The following CERKL variants were observed in gnomAD, a reference collection of about 807,000 sequenced individuals.
CERKL encodes ceramide kinase-like protein.
A neutral mutation model predicts 63.4 loss-of-function variants in CERKL; 61 were observed. The observed-to-expected ratio is 0.96, with a 90% CI of 0.78 to 1.19. CERKL has a LOEUF of 1.19. Ranked by LOEUF, CERKL falls within the 50% of genes most tolerant of loss-of-function variation. The pLI is 0.00. For missense variants in CERKL, 675 were observed against 655.5 expected, an observed-to-expected ratio of 1.03 and a Z score of -0.33; for synonymous variants, 250 against 230.5, an observed-to-expected ratio of 1.08 and a Z score of -0.77.
At chr2:181,619,326 CT>C (rs34572026) in intron 1 of CERKL, among the ~76,000 whole-genome samples, 5,346 of 146,226 alleles carry the variant, frequency 0.037, 300 homozygotes, top group African/African-American at 0.12. Flanking sequence ...AAAACCTAGT[CT>C]TTTTTTTTTT....
chr2:181,611,171 C>G (rs1685953635), intron 1 of CERKL, among the ~76,000 whole-genome samples: 1 of 151,856 alleles, frequency 6.6e-6, no homozygotes, highest in African/African-American at 2.4e-5. Flanking sequence ...TGCAGTGAGC[C>G]AAGATCACAC....
chr2:181,612,490 A>G (rs1686008443), intron 1 of CERKL, among the ~76,000 whole-genome samples: 1 of 152,160 alleles, frequency 6.6e-6, no homozygotes, highest in Admixed American at 6.5e-5. Context: ...CTTCATATAA[A>G]TGTAACCATA....
chr2:181,629,259 G>C (rs532684418), intron 1 of CERKL, among the ~76,000 whole-genome samples: 3 of 152,224 alleles, frequency 2.0e-5, no homozygotes, highest in Admixed American at 2.0e-4. Flanking sequence ...ATCAAGAACA[G>C]CAGAAAAATA....
rs549773513 is a variant in CERKL, at chr2:181,538,064, G to A, written c.*120C>T. On this transcript the variant is annotated 3_prime_UTR_variant, in exon 13 of 13. Transcript: ENST00000410087. ...TCCTGAAACCATTCCCCCATCCACG[G>A]AAAAATTGTCTTCCATGAAACTGGT... 5 of 722,140 alleles carry A rather than the reference G, an allele frequency of 6.9e-6. No homozygotes were observed. Among genetic ancestry groups the A allele is most frequent in the Non-Finnish European group, 1.3e-5 (5 of 391,706 alleles). The allele number at this position is 722,140 out of a possible 1,614,324, so 44.7% of individuals were successfully genotyped here. A position where few individuals can be genotyped will look rare whatever the true frequency, so the allele number is the denominator to read the frequency against.
chr2:181,547,545 G>T, intron 10 of CERKL, 73 bp downstream of exon 10: 3 of 1,187,058 alleles, frequency 2.5e-6, no homozygotes, highest in Non-Finnish European at 2.5e-6. Flanking sequence ...CTAACCAACA[G>T]TTAATTGGAT....
intron 2 of CERKL, among the ~76,000 whole-genome samples, chr2:181,588,440 A>G (rs968557903): frequency 2.0e-5 from 3 of 152,134 alleles, no homozygotes; most frequent in Non-Finnish European, 4.4e-5. Context: ...CCTTCTCTTC[A>G]AAGGCTGAAT....
intron 5 of CERKL, among the ~76,000 whole-genome samples, chr2:181,556,048 G>A (rs566352068): frequency 6.6e-5 from 10 of 151,890 alleles, no homozygotes; most frequent in South Asian, 2.1e-4. Flanking sequence ...CACTGCACCC[G>A]GCCTTATTAA....
At chr2:181,640,869 A>G (rs1174973654) in intron 1 of CERKL, among the ~76,000 whole-genome samples, 2 of 152,214 alleles carry the variant, frequency 1.3e-5, no homozygotes, top group East Asian at 1.9e-4. Flanking sequence ...CTTGGCTTCA[A>G]TGAACCCACT....
chr2:181,581,136 TTCA>T (rs1341878738), intron 2 of CERKL, among the ~76,000 whole-genome samples: 1 of 152,206 alleles, frequency 6.6e-6, no homozygotes, highest in Non-Finnish European at 1.5e-5. Context: ...GCGTAGCATC[TTCA>T]TTTTTTTCAT....
chr2:181,655,549 G>A (rs1480044777), intron 1 of CERKL, among the ~76,000 whole-genome samples: 2 of 152,202 alleles, frequency 1.3e-5, no homozygotes, highest in East Asian at 1.9e-4. Context: ...AACACTTTAA[G>A]GTCAAAGACT....
chr2:181,614,400 G>A (rs560249225), intron 1 of CERKL, among the ~76,000 whole-genome samples: 7 of 152,160 alleles, frequency 4.6e-5, no homozygotes, highest in Non-Finnish European at 1.0e-4. Flanking sequence ...AAACCATACT[G>A]AGAGAAAAAA....
In CERKL at chr2:181,558,561, C is replaced by T; in HGVS notation, c.820+5G>A. The T allele has an allele frequency of 6.2e-7, 1 of 1,613,178 alleles. No individual in the cohort carries two copies. The highest frequency in any genetic ancestry group is 8.5e-7 in the Non-Finnish European group (1 of 1,179,650). ...AGTTTAATGAATCTGTAGCCACTCC[C>T]TTGCCTGCTGGTATTAAGCCAAGTG... On this transcript the variant is annotated splice_donor_5th_base_variant and intron_variant, in intron 5 of 12. Transcript: ENST00000410087. The surrounding 1 kb of genome is among the most constrained non-coding windows in gnomAD (Gnocchi z 4.2).
intron 6 of CERKL, 32 bp from the exon 7 acceptor site, chr2:181,548,889 G>C (rs761288116): frequency 1.3e-6 from 2 of 1,583,826 alleles, no homozygotes; most frequent in South Asian, 2.2e-5. Context: ...TAATCAGTGA[G>C]TACAGTAGGA....
At chr2:181,619,908 G>A (rs1686373989) in intron 1 of CERKL, among the ~76,000 whole-genome samples, 1 of 152,178 alleles carries the variant, frequency 6.6e-6, no homozygotes, top group Non-Finnish European at 1.5e-5. Context: ...GTTTTAAGAT[G>A]GTAGTAGTGG....
At chr2:181,595,284 C>CA (rs1231387202) in intron 2 of CERKL, among the ~76,000 whole-genome samples, 1 of 151,864 alleles carries the variant, frequency 6.6e-6, no homozygotes, top group Non-Finnish European at 1.5e-5. Context: ...CAGGCCAAGA[C>CA]ATTTGAGAAA....
intron 1 of CERKL, chr2:181,649,641 G>A (rs1049676320): frequency 9.2e-5 from 14 of 152,204 alleles, no homozygotes; most frequent in African/African-American, 3.1e-4. Flanking sequence ...GAACATTCTT[G>A]AGGAGAGATC....
chr2:181,582,745 T>C (rs968576654), intron 2 of CERKL, among the ~76,000 whole-genome samples: 1 of 152,016 alleles, frequency 6.6e-6, no homozygotes, highest in African/African-American at 2.4e-5. Flanking sequence ...GGGTTTCACA[T>C]GTTGGCCAGG....
intron 2 of CERKL, among the ~76,000 whole-genome samples, chr2:181,593,789 A>T (rs1470202125): frequency 6.6e-6 from 1 of 151,898 alleles, no homozygotes; most frequent in Non-Finnish European, 1.5e-5. Flanking sequence ...CGACATTTTT[A>T]ATATACTTGA....
chr2:181,654,674 T>C (rs1445469472), intron 1 of CERKL, among the ~76,000 whole-genome samples: 2 of 152,208 alleles, frequency 1.3e-5, no homozygotes. Context: ...CCCTCTTCCA[T>C]TTAATCTTTT....
Sources: allele counts gnomAD v4.1 joint callset (sites outside exome capture counted in the v4.1 genomes callset), GRCh38; gene constraint gnomAD v4.1.1; non-coding constraint Gnocchi (gnomAD v3.1); transcripts MANE v1.5; gene names NCBI Gene and HGNC (gene_info 2026-07-23, HGNC 2026-07-21).